Variants in SCN10A observed in about 807,000 individuals in gnomAD.
SCN10A encodes the protein sodium channel protein type 10 subunit alpha.
In SCN10A, 162 loss-of-function variants were observed where a neutral mutation model predicts 170.7. That is an observed-to-expected ratio of 0.95 (90% CI 0.84 to 1.08). SCN10A has a LOEUF of 1.08. SCN10A is among the 50% of genes least tolerant of loss of function. The pLI, the probability that SCN10A is intolerant of heterozygous loss-of-function variation, is 0.00. For synonymous variants in SCN10A, 985 were observed against 904.6 expected (o/e 1.09, Z -1.59); for missense variants, 2,527 against 2,436.9 (o/e 1.04, Z -0.78).
intron 11 of SCN10A, 106 bp downstream of exon 11, chr3:38,755,682 A>G: frequency 1.5e-6 from 2 of 1,335,956 alleles, no homozygotes; most frequent in Non-Finnish European, 2.1e-6. Flanking sequence ...TTTAGGCTCT[A>G]TGCCTCCAGC....
chr3:38,730,266 G>A (rs2063501240), intron 15 of SCN10A, among the ~76,000 whole-genome samples: 1 of 152,140 alleles, frequency 6.6e-6, no homozygotes, highest in Admixed American at 6.5e-5. Flanking sequence ...GAAAATTGAC[G>A]CTGAGCATTT....
Position 38,697,520 on chromosome 3 carries a change from A to T in SCN10A, c.5700T>A (p.Asn1900Lys), listed in dbSNP as rs764330725. 1.4e-5 allele frequency: 22 copies of T among 1,614,032 alleles called. No individual in the cohort carries two copies. The highest frequency in any genetic ancestry group is 6.7e-5 in the Admixed American group (4 of 59,996). Residue 1900 changes from asparagine to lysine, a missense_variant, in exon 28 of 28, where the codon AAT (asparagine) becomes AAA (lysine). Physicochemically the swap from Asn to Lys is moderately conservative, Grantham distance 94 (BLOSUM62 0). Transcript: ENST00000449082. The stretch of plus-strand genomic sequence containing the variant: ...ATTTGTCTGGGAGTACACAATTTTC[A>T]TTTGCTGTGAATGCAACAAAACCTT... Reference protein sequence around the residue: ...PDEGFVAFTANENCVLPDKSE... With the variant: ...PDEGFVAFTAKENCVLPDKSE...
At chr3:38,809,645 G>A (rs886691415) in intron 1 of SCN10A, among the ~76,000 whole-genome samples, 2 of 152,190 alleles carry the variant, frequency 1.3e-5, no homozygotes, top group South Asian at 2.1e-4. Flanking sequence ...CCCATGTTCA[G>A]TCTTTGGGCA....
At chr3:38,808,119 G>A (rs2064416868) in intron 1 of SCN10A, among the ~76,000 whole-genome samples, 1 of 152,038 alleles carries the variant, frequency 6.6e-6, no homozygotes, top group African/African-American at 2.4e-5. Context: ...GGCATGATCT[G>A]GTCCCTGCCC....
At chr3:38,729,761 T>C (rs1442410388) in intron 15 of SCN10A, among the ~76,000 whole-genome samples, 3 of 152,208 alleles carry the variant, frequency 2.0e-5, no homozygotes, top group Non-Finnish European at 2.9e-5. Context: ...TCAGTCAAGG[T>C]GTGTTTATGG....
chr3:38,809,777 C>T (rs2064428024), intron 1 of SCN10A, among the ~76,000 whole-genome samples: 1 of 152,024 alleles, frequency 6.6e-6, no homozygotes, highest in Admixed American at 6.5e-5. Context: ...TCTGAGTCTA[C>T]TCAGGGAGAA....
chr3:38,745,563 T>C (rs1246990653), intron 13 of SCN10A, among the ~76,000 whole-genome samples: 2 of 152,156 alleles, frequency 1.3e-5, no homozygotes, highest in East Asian at 3.9e-4. Context: ...CTCCTTTTCC[T>C]CACAGGCAAA....
intron 1 of SCN10A, among the ~76,000 whole-genome samples, chr3:38,812,453 TA>T (rs767487215): frequency 1.4e-4 from 22 of 152,106 alleles, no homozygotes; most frequent in Non-Finnish European, 2.5e-4. Context: ...ATTTTTTTTT[TA>T]ATTGAGGAAT....
intron 4 of SCN10A, among the ~76,000 whole-genome samples, chr3:38,783,556 G>A (rs1252733457): frequency 1.3e-5 from 2 of 151,894 alleles, no homozygotes; most frequent in African/African-American, 4.8e-5. Flanking sequence ...TTTTATTGCT[G>A]TAAGTTTTCT....
At position 38,736,963 on chromosome 3, in the gene SCN10A, G is replaced by GTTTTTTTTT; in HGVS notation, c.2280+2543_2280+2551dup. ...TTCCCCAAGTGTAGCAGAAATGTTC[G>GTTTTTTTTT]TTTTTTTTTTTTTTTTTTTTTTTTT... On this transcript the variant is annotated intron_variant, in intron 15 of 27. Coordinates refer to ENST00000449082, the MANE Select transcript of SCN10A (RefSeq NM_006514.4). 9.9e-4 allele frequency among the ~76,000 whole-genome samples: 46 copies of GTTTTTTTTT among 46,670 alleles called. 6 individuals are homozygous for GTTTTTTTTT. The highest frequency in any genetic ancestry group is 2.6e-3 in the East Asian group (4 of 1,554). The allele number at this position is 46,670 out of a possible 152,430, so 30.6% of individuals were successfully genotyped here. A position where few individuals can be genotyped will look rare whatever the true frequency, so the allele number is the denominator to read the frequency against.
chr3:38,728,545 C>G lies in SCN10A; in HGVS notation c.2637G>C (p.Leu879=). 1 of 1,578,352 alleles carries G rather than the reference C, an allele frequency of 6.3e-7. No individual in the cohort carries two copies. The highest frequency in any genetic ancestry group is 1.7e-4 in the Middle Eastern group (1 of 5,886). The part of the protein sequence containing the change: ...LFLTVMVLGN[L]VVLNLFIALL... ...CCCAGCAGGGTTCACCACTCACCAC[C>G]AGGTTCCCTAGCACCATCACCGTCA... The change falls in exon 16 of 28, where the codon CTG becomes CTC. Residue 879 remains leucine (L), a synonymous_variant. Transcript: ENST00000449082.
chr3:38,710,757 G>C lies in SCN10A; in HGVS notation c.4143+87C>G. On this transcript the variant is annotated intron_variant, in intron 24 of 27. Coordinates refer to ENST00000449082, the MANE Select transcript of SCN10A (RefSeq NM_006514.4). ...GGGTGATCGCCTCTTCCAGTACCAG[G>C]GTCATCGTCACTTCATTTCAAATGC... 4 of 1,285,176 alleles carry C rather than the reference G, an allele frequency of 3.1e-6. 1 individual carries two copies. The South Asian group carries it at 3.9e-5, about 12-fold the overall frequency. 79.6% of individuals were successfully genotyped at this position (1,285,176 alleles called of 1,614,324 possible).
At chr3:38,809,401 A>G (rs2064425298) in intron 1 of SCN10A, among the ~76,000 whole-genome samples, 2 of 152,212 alleles carry the variant, frequency 1.3e-5, no homozygotes, top group Non-Finnish European at 1.5e-5. Flanking sequence ...CTCTCTTGAA[A>G]CTGTCATAGC....
chr3:38,805,201 G>T (rs1012036904), intron 1 of SCN10A, among the ~76,000 whole-genome samples: 1 of 152,130 alleles, frequency 6.6e-6, no homozygotes, highest in South Asian at 2.1e-4. Flanking sequence ...GGAGCATATT[G>T]TAAGGATGTT....
chr3:38,736,962 C>CGTTTTTTTTTTTTTTT (rs2063568201), intron 15 of SCN10A, among the ~76,000 whole-genome samples: 1 of 69,244 alleles, frequency 1.4e-5, no homozygotes, highest in Non-Finnish European at 3.0e-5. Flanking sequence ...CAGAAATGTT[C>CGTTTTTTTTTTTTTTT]GTTTTTTTTT....
chr3:38,761,835 T>A lies in SCN10A; in HGVS notation c.692-452A>T, dbSNP rs575903723. On this transcript the variant is annotated intron_variant, in intron 6 of 27. Transcript: ENST00000449082. Reference sequence around the variant, plus strand: ...GTGTGAGTGTGTGTGTGTGTGTGTGTGTGAGAGAGAGAGAGAGAGAGAGAG... The same window carrying A: ...GTGTGAGTGTGTGTGTGTGTGTGTGAGTGAGAGAGAGAGAGAGAGAGAGAG... Among the ~76,000 whole-genome samples, 4 of 132,064 alleles carry A rather than the reference T, an allele frequency of 3.0e-5. No homozygotes were observed. In the East Asian group the frequency reaches 6.9e-4, roughly 23 times the overall value. The allele number at this position is 132,064 out of a possible 152,430, so 86.6% of individuals were successfully genotyped here. A position where few individuals can be genotyped will look rare whatever the true frequency, so the allele number is the denominator to read the frequency against.
In SCN10A at chr3:38,761,242, T is replaced by C; in HGVS notation, c.833A>G (p.Lys278Arg). 6.2e-7 allele frequency: 1 copy of C among 1,614,106 alleles called. No homozygotes were observed. The highest frequency in any genetic ancestry group is 8.5e-7 in the Non-Finnish European group (1 of 1,179,958). The change falls in exon 7 of 28, where the codon AAG becomes AGG. Residue 278 changes from lysine to arginine, a missense_variant. Physicochemically the swap from Lys to Arg is conservative, Grantham distance 26 (BLOSUM62 2). Transcript: ENST00000449082. ...FKGNLKNKCV[K>R]NDMAVNETTN... ...TGTCTCATTGACAGCCATGTCATTC[T>C]TGACACATTTATTTTTGAGGTTGCC...
chr3:38,701,946 G>C lies in SCN10A; in HGVS notation c.4550C>G (p.Ala1517Gly). 6.2e-7 allele frequency: 1 copy of C among 1,614,104 alleles called. No individual in the cohort carries two copies. Among genetic ancestry groups the C allele is most frequent in the Non-Finnish European group, 8.5e-7 (1 of 1,180,014 alleles). The part of the protein sequence containing the change: ...ILGKINQFFV[A>G]VFTGECVMKM... Reference sequence around the variant, plus strand: ...CATGACACATTCGCCTGTGAAGACGGCCACAAAGAACTGGTTGATTTTGCC... The same window carrying C: ...CATGACACATTCGCCTGTGAAGACGCCCACAAAGAACTGGTTGATTTTGCC... Residue 1517 changes from alanine to glycine, a missense_variant, in exon 27 of 28, where the codon GCC becomes GGC. Coordinates refer to ENST00000449082, the MANE Select transcript of SCN10A (RefSeq NM_006514.4).
At chr3:38,744,818 C>A (rs958246016) in intron 13 of SCN10A, among the ~76,000 whole-genome samples, 11 of 152,108 alleles carry the variant, frequency 7.2e-5, no homozygotes, top group Non-Finnish European at 1.5e-4. Context: ...CATGTTATTA[C>A]CATTTATGTT....
Sources: allele counts gnomAD v4.1 joint callset (sites outside exome capture counted in the v4.1 genomes callset), GRCh38; gene constraint gnomAD v4.1.1; transcripts MANE v1.5; gene names NCBI Gene and HGNC (gene_info 2026-07-23, HGNC 2026-07-21).